The following MED6 variants were observed in gnomAD, a reference collection of about 807,000 sequenced individuals.
MED6 encodes mediator complex subunit 6.
In MED6, 33 loss-of-function variants were observed where a neutral mutation model predicts 37.5. The ratio of observed to expected loss-of-function variants is 0.88; its 90% CI spans 0.67 to 1.18. The LOEUF (loss-of-function observed/expected upper bound fraction) is 1.18, where lower values mean the gene tolerates loss of function less well. Among genes scored for constraint, MED6 ranks in the 50% most tolerant of loss-of-function variants. The pLI is 0.00. For synonymous variants in MED6, 94 were observed against 93.6 expected (o/e 1.00, Z -0.02); for missense variants, 235 against 290.6 (o/e 0.81, Z 1.39).
intron 1 of MED6, among the ~76,000 whole-genome samples, chr14:70,599,996 T>C (rs929675687): frequency 4.6e-5 from 7 of 152,102 alleles, no homozygotes; most frequent in Non-Finnish European, 7.4e-5. Flanking sequence ...CAACTCTACA[T>C]GCTCCCCAAG....
At chr14:70,594,686 C>T in intron 3 of MED6, 1 of 454,518 alleles carries the variant, frequency 2.2e-6, no homozygotes. Flanking sequence ...GTTCCCAGAT[C>T]TCCGTGTCCC....
At chr14:70,587,126 C>G (rs538361698) in intron 6 of MED6, among the ~76,000 whole-genome samples, 1 of 152,270 alleles carries the variant, frequency 6.6e-6, no homozygotes, top group East Asian at 1.9e-4. Flanking sequence ...AATGGATCTC[C>G]CTGGGCAGAA....
At chr14:70,594,006 G>A (rs1257175107) in intron 3 of MED6, among the ~76,000 whole-genome samples, 1 of 152,124 alleles carries the variant, frequency 6.6e-6, no homozygotes, top group African/African-American at 2.4e-5. Context: ...TGGTTCTAAG[G>A]TTCTCTTTTA....
At chr14:70,592,672 T>C (rs1884915520) in intron 5 of MED6, 4 of 424,408 alleles carry the variant, frequency 9.4e-6, no homozygotes, top group Non-Finnish European at 1.7e-5. Context: ...AGACTACCAG[T>C]TAACTAACAG....
intron 6 of MED6, among the ~76,000 whole-genome samples, chr14:70,588,688 A>AAAAAAT (rs1884782695): frequency 1.5e-5 from 2 of 134,638 alleles, no homozygotes. Context: ...TCCGTCTCAA[A>AAAAAAT]AATAATAATA....
chr14:70,583,774 G>A lies in MED6; in HGVS notation c.*1039C>T. 1 of 240,936 alleles carries A rather than the reference G, an allele frequency of 4.2e-6. No homozygotes were observed. Among genetic ancestry groups the A allele is most frequent in the Non-Finnish European group, 7.9e-6 (1 of 126,972 alleles). The allele number at this position is 240,936 out of a possible 1,614,324, so 14.9% of individuals were successfully genotyped here. A position where few individuals can be genotyped will look rare whatever the true frequency, so the allele number is the denominator to read the frequency against. On this transcript the variant is annotated 3_prime_UTR_variant, in exon 8 of 8. Coordinates refer to ENST00000256379, the MANE Select transcript of MED6 (RefSeq NM_005466.4). Reference sequence around the variant, plus strand: ...ACAACAGATATAATAAAGTAAAATTGTACGAAAGGAATGATTAAAGTACAG... The same window carrying A: ...ACAACAGATATAATAAAGTAAAATTATACGAAAGGAATGATTAAAGTACAG...
Position 70,590,916 on chromosome 14 carries a change from C to T in MED6, c.582+350G>A, listed in dbSNP as rs565726549. ...ATTTAGGTTGTTCAGATATCTACTA[C>T]ATCAGGCTGGAAGGTGGCATGTAGA... On this transcript the variant is annotated intron_variant, in intron 6 of 7. Transcript: ENST00000256379. Among the ~76,000 whole-genome samples, 24 of 152,336 alleles carry T rather than the reference C, an allele frequency of 1.6e-4. No homozygotes were observed. The South Asian group carries it at 5.0e-3, about 32-fold the overall frequency.
At chr14:70,590,197 A>G (rs1884827843) in intron 6 of MED6, among the ~76,000 whole-genome samples, 1 of 152,208 alleles carries the variant, frequency 6.6e-6, no homozygotes. Flanking sequence ...GCACATGTCT[A>G]GGTGTCTTCC....
At chr14:70,590,513 CAT>C (rs1312344734) in intron 6 of MED6, among the ~76,000 whole-genome samples, 1 of 152,126 alleles carries the variant, frequency 6.6e-6, no homozygotes, top group African/African-American at 2.4e-5. Flanking sequence ...AAAGTCATCT[CAT>C]GTGAAAAATG....
At position 70,596,719 on chromosome 14, in the gene MED6, G is replaced by A. The variant is rs1316962141; in HGVS notation, c.183-17C>T. On this transcript the variant is annotated splice_polypyrimidine_tract_variant and intron_variant, in intron 2 of 7. Transcript: ENST00000256379. The stretch of plus-strand genomic sequence containing the variant: ...ACCATCTGACTGAAAACAGAACACA[G>A]ACATCCAAAGATCTATAAACGCCCT... The A allele has an allele frequency of 6.4e-7, 1 of 1,568,072 alleles. No individual in the cohort carries two copies. Among genetic ancestry groups the A allele is most frequent in the South Asian group, 1.1e-5 (1 of 89,290 alleles).
At chr14:70,585,846 G>T in intron 6 of MED6, 63 bp from the exon 7 acceptor site, 1 of 1,408,372 alleles carries the variant, frequency 7.1e-7, no homozygotes, top group South Asian at 1.3e-5. Context: ...AGGTCAACTT[G>T]GCAAAATTTC....
In MED6 at chr14:70,593,272, C is replaced by A. The variant is rs754195396; in HGVS notation, c.357+24G>T. The A allele has an allele frequency of 8.2e-6, 13 of 1,588,540 alleles. No individual in the cohort carries two copies. In the East Asian group the frequency reaches 2.7e-4, roughly 33 times the overall value. ...AGCTAATTAAAAGTTTTCTTTAGTG[C>A]TTAAAGAATGTGAAGACACTTACCA... On this transcript the variant is annotated intron_variant, in intron 4 of 7. Coordinates refer to ENST00000256379, the MANE Select transcript of MED6 (RefSeq NM_005466.4).
At position 70,597,746 on chromosome 14, in the gene MED6, G is replaced by A. The variant is rs1158588993; in HGVS notation, c.54C>T (p.Ser18=). The A allele has an allele frequency of 1.9e-6, 3 of 1,551,694 alleles. No individual in the cohort carries two copies. In the South Asian group the frequency reaches 3.8e-5, roughly 19 times the overall value. ...CACTGTTCAAAATAGGGATCCAAGA[G>A]CTGTCAACCCAAGAAATTCCCAGCA... ...DNLLGISWVD[S]SWIPILNSGS... is the part of the protein sequence containing the mutation. Residue 18 remains serine, a synonymous_variant, in exon 2 of 8, where the codon AGC becomes AGT. Coordinates refer to ENST00000256379, the MANE Select transcript of MED6 (RefSeq NM_005466.4).
chr14:70,588,711 AT>A (rs1205900648), intron 6 of MED6, among the ~76,000 whole-genome samples: 1 of 125,904 alleles, frequency 7.9e-6, no homozygotes, highest in African/African-American at 3.5e-5. Context: ...AATAATAATA[AT>A]AATAATAATA....
At chr14:70,594,527 C>A in intron 3 of MED6, 1 of 366,744 alleles carries the variant, frequency 2.7e-6, no homozygotes, top group South Asian at 2.6e-5. Context: ...TGAGTCCTGT[C>A]CTCTCACTCT....
chr14:70,587,751 A>G (rs1222709779), intron 6 of MED6, among the ~76,000 whole-genome samples: 4 of 152,240 alleles, frequency 2.6e-5, no homozygotes, highest in African/African-American at 9.6e-5. Context: ...TTTGGTTTAG[A>G]TAATCCTAGT....
At chr14:70,597,849 T>A in intron 1 of MED6, 72 bp from the exon 2 acceptor site, 1 of 1,300,846 alleles carries the variant, frequency 7.7e-7, no homozygotes, top group Non-Finnish European at 1.0e-6. Context: ...ACATTTATTA[T>A]ACATCAAATG....
intron 6 of MED6, among the ~76,000 whole-genome samples, chr14:70,587,387 AC>A (rs1359450423): frequency 2.0e-5 from 3 of 152,110 alleles, no homozygotes; most frequent in Non-Finnish European, 4.4e-5. Context: ...CATCATGAGA[AC>A]CCCCAACAAA....
At position 70,594,991 on chromosome 14, in the gene MED6, G is replaced by A. The variant is rs1249604156; in HGVS notation, c.275-1613C>T. ...GAGGGCTCAGATCTTCTCAAGTACT[G>A]TGGACAATGCCCACATTGTTCTGCA... is the stretch of plus-strand genomic sequence containing the variant. On this transcript the variant is annotated intron_variant, in intron 3 of 7. Coordinates refer to ENST00000256379, the MANE Select transcript of MED6 (RefSeq NM_005466.4). 3.7e-5 allele frequency: 22 copies of A among 588,032 alleles called. 1 individual carries two copies. The Admixed American group carries it at 3.8e-4, about 10-fold the overall frequency. The allele number at this position is 588,032 out of a possible 1,614,324, so 36.4% of individuals were successfully genotyped here.
Sources: allele counts gnomAD v4.1 joint callset (sites outside exome capture counted in the v4.1 genomes callset), GRCh38; gene constraint gnomAD v4.1.1; transcripts MANE v1.5; gene names NCBI Gene and HGNC (gene_info 2026-07-23, HGNC 2026-07-21).